BTAF1: variants seen among roughly 807,000 people sequenced by gnomAD.
BTAF1 encodes TATA-binding protein-associated factor 172.
Under a neutral mutation model 227.1 loss-of-function variants are expected in BTAF1, and 38 were observed. That is an observed-to-expected ratio of 0.17 (90% CI 0.13 to 0.22). The LOEUF (loss-of-function observed/expected upper bound fraction) is 0.22, where lower values mean the gene tolerates loss of function less well. Ranked by LOEUF, BTAF1 falls within the 10% of genes least tolerant of loss-of-function variation. The pLI is 1.00. For missense variants in BTAF1, 1,598 were observed against 2,204.0 expected (o/e 0.73, Z 5.51); for synonymous variants, 742 against 751.9 (o/e 0.99, Z 0.21).
Position 91,942,409 on chromosome 10 carries a change from A to G in BTAF1, c.254-13A>G. The G allele has an allele frequency of 6.2e-7, 1 of 1,610,938 alleles. No homozygotes were observed. The highest frequency in any genetic ancestry group is 8.5e-7 in the Non-Finnish European group (1 of 1,177,818). On this transcript the variant is annotated splice_polypyrimidine_tract_variant and intron_variant, in intron 3 of 37. Transcript: ENST00000265990. ...GCTATATGGTCAAATTAATATTTTT[A>G]AACCTCATGTAGAACCTACTTCCGA...
At chr10:91,981,834 T>A (rs1204898115) in intron 16 of BTAF1, 42 bp downstream of exon 16, 22 of 1,567,368 alleles carry the variant, frequency 1.4e-5, no homozygotes, top group Non-Finnish European at 1.9e-5. Context: ...GTTCATCATC[T>A]AATTATTAAT....
intron 4 of BTAF1, among the ~76,000 whole-genome samples, chr10:91,944,231 C>T (rs527639666): frequency 2.6e-5 from 4 of 151,982 alleles, no homozygotes; most frequent in African/African-American, 9.7e-5. Flanking sequence ...TTCTTGGGAA[C>T]TCAGTTTTTT....
intron 14 of BTAF1, among the ~76,000 whole-genome samples, chr10:91,978,745 G>A (rs1330239641): frequency 1.4e-5 from 2 of 147,740 alleles, no homozygotes; most frequent in East Asian, 2.0e-4. Context: ...AATGTCCTGT[G>A]TTATCAGAAA....
chr10:92,001,977 TATATATATACACACACACACAC>T (rs1450254936), intron 25 of BTAF1, among the ~76,000 whole-genome samples: 4,153 of 70,576 alleles, frequency 0.059, 80 homozygotes, highest in Non-Finnish European at 0.11. Context: ...ACCATATATA[TATATATATACACACACACACAC>T]ACACACACAC....
chr10:92,029,710 A>G lies in BTAF1; in HGVS notation c.*777A>G, dbSNP rs757250097. ...TATAATATATTTTTTGTAACTATGAACATACACAGTTTTCCAGAAATAGAT... is the reference window on the plus strand; with the variant it reads ...TATAATATATTTTTTGTAACTATGAGCATACACAGTTTTCCAGAAATAGAT... On this transcript the variant is annotated 3_prime_UTR_variant, in exon 38 of 38. Transcript: ENST00000265990. 4 of 152,200 alleles carry G rather than the reference A, an allele frequency of 2.6e-5. No homozygotes were observed. The highest frequency in any genetic ancestry group is 1.3e-4 in the Admixed American group (2 of 15,290). 9.4% of individuals were successfully genotyped at this position (152,200 alleles called of 1,614,324 possible). A position where few individuals can be genotyped will look rare whatever the true frequency, so the allele number is the denominator to read the frequency against.
chr10:91,983,563 G>T (rs1848204838), intron 18 of BTAF1, among the ~76,000 whole-genome samples: 1 of 152,190 alleles, frequency 6.6e-6, no homozygotes. Flanking sequence ...CTATGTTTTT[G>T]TGCCTCTCAG....
chr10:92,019,122 A>G (rs756260274), intron 34 of BTAF1, among the ~76,000 whole-genome samples, 187 bp downstream of exon 34: 17 of 152,234 alleles, frequency 1.1e-4, no homozygotes, highest in Non-Finnish European at 2.4e-4. Flanking sequence ...CATTTTAACC[A>G]TTTTAAGTGT....
rs17107230 is a variant in BTAF1, at chr10:91,942,571, C to G, written c.400+3C>G. On this transcript the variant is annotated splice_donor_region_variant and intron_variant, in intron 4 of 37. Transcript: ENST00000265990. ...TGAAGTCCAAGATGAAAAATCAGGT[C>G]TGTAGTGGTTCTGAGAAGAAAGTCT... is the stretch of plus-strand genomic sequence containing the variant. 2.7e-3 allele frequency: 4,337 copies of G among 1,613,772 alleles called. 84 individuals are homozygous for G. In the African/African-American group the frequency reaches 0.044, roughly 17 times the overall value.
chr10:91,991,032 G>A (rs1848691515), intron 20 of BTAF1, among the ~76,000 whole-genome samples: 2 of 151,022 alleles, frequency 1.3e-5, no homozygotes, highest in South Asian at 4.2e-4. Context: ...GGATCACGAG[G>A]TCAGAAGTTC....
intron 30 of BTAF1, 74 bp downstream of exon 30, chr10:92,011,489 T>TG: frequency 1.4e-6 from 1 of 694,838 alleles, no homozygotes; most frequent in Admixed American, 4.5e-5. Context: ...AGGGTAGGCT[T>TG]GGTATTTGGC....
intron 20 of BTAF1, among the ~76,000 whole-genome samples, 174 bp from the exon 21 acceptor site, chr10:91,991,945 C>T (rs1053069333): frequency 6.6e-6 from 1 of 151,616 alleles, no homozygotes; most frequent in East Asian, 1.9e-4. Flanking sequence ...GGTATAAATC[C>T]TATGCAAATA....
rs752579096 is a variant in BTAF1 at position 92,016,457 on chromosome 10, G to A, written c.4702G>A (p.Val1568Ile). 1.0e-5 allele frequency: 16 copies of A among 1,555,898 alleles called. No individual in the cohort carries two copies. Among genetic ancestry groups the A allele is most frequent in the South Asian group, 6.3e-5 (5 of 79,314 alleles). Residue 1568 changes from valine (V) to isoleucine (I), a missense_variant, in exon 33 of 38, where the codon GTA (valine) becomes ATA (isoleucine). Physicochemically the swap from Val to Ile is conservative, Grantham distance 29. Coordinates refer to ENST00000265990, the MANE Select transcript of BTAF1 (RefSeq NM_003972.3). ...EKPKLKATGHVFQALQYLRKL... is the reference protein window; with the variant it reads ...EKPKLKATGHIFQALQYLRKL... ...ACCAAAGCTTAAAGCTACAGGCCAC[G>A]TATTCCAGGTATAGATTACATTCTA...
chr10:91,929,380 A>G (rs1844113723), intron 1 of BTAF1, among the ~76,000 whole-genome samples: 4 of 152,212 alleles, frequency 2.6e-5, no homozygotes, highest in African/African-American at 9.6e-5. Context: ...ACTGTTTTAA[A>G]AGCCATACCT....
rs544496928 is a variant in BTAF1, at chr10:92,027,069, A to G, written c.5236-61A>G. The G allele has an allele frequency of 2.8e-5, 42 of 1,514,140 alleles. No individual in the cohort carries two copies. In the South Asian group the frequency reaches 5.1e-4, roughly 18 times the overall value. The allele number at this position is 1,514,140 out of a possible 1,614,324, so 93.8% of individuals were successfully genotyped here. A position where few individuals can be genotyped will look rare whatever the true frequency, so the allele number is the denominator to read the frequency against. ...ATAGTACAAGTCTACAAGCCCTCTG[A>G]CTCGTTGGAACCTCAAAGCATAATA... On this transcript the variant is annotated intron_variant, in intron 36 of 37. Coordinates refer to ENST00000265990, the MANE Select transcript of BTAF1 (RefSeq NM_003972.3).
rs1364480766 is a variant in BTAF1, at chr10:91,953,769, G to A, written c.597G>A (p.Glu199=). 18 of 1,614,020 alleles carry A rather than the reference G, an allele frequency of 1.1e-5. No individual in the cohort carries two copies. The highest frequency in any genetic ancestry group is 3.3e-5 in the Admixed American group (2 of 60,030). ...AGGCAGCTGAATTGATTGACTCAGA[G>A]TTTCGAGCAGGAATGAGCAATAGAC... The part of the protein sequence containing the change: ...TLQAAELIDS[E]FRAGMSNRQK... The change falls in exon 6 of 38, where the codon GAG becomes GAA. Residue 199 remains glutamate (E), a synonymous_variant. Coordinates refer to ENST00000265990, the MANE Select transcript of BTAF1 (RefSeq NM_003972.3).
intron 12 of BTAF1, 34 bp downstream of exon 12, chr10:91,962,712 G>T: frequency 1.3e-6 from 2 of 1,530,114 alleles, no homozygotes; most frequent in Non-Finnish European, 1.8e-6. Context: ...TCTTACTATA[G>T]AGCTTGTTTT....
At chr10:91,991,797 G>GTATATATATATATATATATA (rs1166615338) in intron 20 of BTAF1, among the ~76,000 whole-genome samples, 5 of 10,004 alleles carry the variant, frequency 5.0e-4, no homozygotes, top group African/African-American at 9.1e-4. Context: ...GTGTGTGTGT[G>GTATATATATATATATATATA]TATATATATA....
At position 91,980,445 on chromosome 10, in the gene BTAF1, T is replaced by G; in HGVS notation, c.1651-9T>G. 1.3e-6 allele frequency: 2 copies of G among 1,589,654 alleles called. No homozygotes were observed. Among genetic ancestry groups the G allele is most frequent in the Non-Finnish European group, 1.7e-6 (2 of 1,159,002 alleles). On this transcript the variant is annotated splice_polypyrimidine_tract_variant and intron_variant, in intron 14 of 37. Coordinates refer to ENST00000265990, the MANE Select transcript of BTAF1 (RefSeq NM_003972.3). ...ATGCTACAGCTTTTAATTCTGTTTT[T>G]GTTTTCAGAACTCTTCATCTTGGCT...
chr10:92,005,873 GTT>G (rs796598126), intron 25 of BTAF1, among the ~76,000 whole-genome samples: 1 of 144,080 alleles, frequency 6.9e-6, no homozygotes. Flanking sequence ...TGTTTTTTGG[GTT>G]TTTTTTTTTT....
Sources: gnomAD v4.1 joint callset for allele counts (sites outside exome capture counted in the v4.1 genomes callset) on GRCh38, gnomAD v4.1.1 for gene constraint, MANE v1.5 for transcripts, NCBI Gene and HGNC (gene_info 2026-07-23, HGNC 2026-07-21) for gene names.